The following SMAGP variants were observed in gnomAD, a reference collection of about 807,000 sequenced individuals.
The protein encoded by SMAGP is small cell transmembrane and glycosylated protein.
In SMAGP, 7 loss-of-function variants were observed where a neutral mutation model predicts 10.1. The ratio of observed to expected loss-of-function variants is 0.70; its 90% confidence interval spans 0.40 to 1.31. SMAGP has a LOEUF of 1.31. SMAGP is among the 50% of genes most tolerant of loss of function. The pLI, the probability that SMAGP is intolerant of heterozygous loss-of-function variation, is 0.01. For missense variants in SMAGP, 113 were observed against 116.5 expected (o/e 0.97, Z 0.14); for synonymous variants, 49 against 47.2 (o/e 1.04, Z -0.16).
At chr12:51,255,826 C>T (rs1052300621) in intron 2 of SMAGP, among the ~76,000 whole-genome samples, 7 of 152,228 alleles carry the variant, frequency 4.6e-5, no homozygotes, top group South Asian at 4.2e-4. Flanking sequence ...GGCTGGAATA[C>T]AGTGGTGTGA....
At chr12:51,263,814 G>A (rs901485822) in intron 2 of SMAGP, among the ~76,000 whole-genome samples, 2 of 152,042 alleles carry the variant, frequency 1.3e-5, no homozygotes, top group Non-Finnish European at 2.9e-5. Context: ...ACAATGCTTC[G>A]AAAGGCCCAT....
intron 2 of SMAGP, among the ~76,000 whole-genome samples, chr12:51,266,528 T>TA (rs1944975804): frequency 6.6e-6 from 1 of 152,192 alleles, no homozygotes; most frequent in African/African-American, 2.4e-5. Flanking sequence ...TAAGACATTT[T>TA]AAGTGAGAGA....
intron 1 of SMAGP, chr12:51,269,659 TA>T: frequency 4.9e-6 from 1 of 205,338 alleles, no homozygotes; most frequent in Non-Finnish European, 1.0e-5. Context: ...CAAAGCGCGG[TA>T]ACAGGTACCC....
intron 2 of SMAGP, among the ~76,000 whole-genome samples, chr12:51,265,798 T>G (rs1190976595): frequency 2.0e-5 from 3 of 152,112 alleles, no homozygotes; most frequent in Non-Finnish European, 2.9e-5. Context: ...CTTAATACAG[T>G]AGTCCCCCCA....
chr12:51,254,613 T>C (rs987153310), intron 2 of SMAGP, among the ~76,000 whole-genome samples: 11 of 152,106 alleles, frequency 7.2e-5, no homozygotes, highest in Admixed American at 3.3e-4. Context: ...TAATTAGCGC[T>C]ATGTAGAAAA....
chr12:51,265,643 G>A (rs1944966899), intron 2 of SMAGP, among the ~76,000 whole-genome samples: 1 of 152,192 alleles, frequency 6.6e-6, no homozygotes, highest in African/African-American at 2.4e-5. Context: ...CTACTTACAT[G>A]AAGTACCTAG....
chr12:51,247,664 A>G (rs1944790074), intron 2 of SMAGP, among the ~76,000 whole-genome samples: 1 of 152,196 alleles, frequency 6.6e-6, no homozygotes, highest in Non-Finnish European at 1.5e-5. Flanking sequence ...TGCAGGATAG[A>G]GGTCTCCTGG....
intron 2 of SMAGP, among the ~76,000 whole-genome samples, chr12:51,261,460 C>A (rs185579871): frequency 1.3e-5 from 2 of 151,990 alleles, no homozygotes; most frequent in African/African-American, 4.8e-5. Flanking sequence ...CAAGAGAAAG[C>A]CCAGAGAAAA....
In SMAGP at chr12:51,245,387, A is replaced by G. The variant is rs1226423085; in HGVS notation, c.*554T>C. 6.5e-6 allele frequency: 1 copy of G among 152,752 alleles called. No homozygotes were observed. The highest frequency in any genetic ancestry group is 1.9e-4 in the East Asian group (1 of 5,202). 9.5% of individuals were successfully genotyped at this position (152,752 alleles called of 1,614,324 possible). ...ATGAAAATTTTTAATTTGAATAAAA[A>G]TCACGTAAGCATGAGGTTGTTGGGG... On this transcript the variant is annotated 3_prime_UTR_variant, in exon 4 of 4. Transcript: ENST00000603798.
chr12:51,256,372 C>T (rs1944884325), intron 2 of SMAGP, among the ~76,000 whole-genome samples: 2 of 151,510 alleles, frequency 1.3e-5, no homozygotes, highest in South Asian at 4.2e-4. Flanking sequence ...GATCACTTGA[C>T]CTCAGGAGTT....
intron 2 of SMAGP, among the ~76,000 whole-genome samples, chr12:51,263,468 T>C (rs903611967): frequency 1.3e-5 from 2 of 152,036 alleles, no homozygotes; most frequent in South Asian, 2.1e-4. Context: ...ACTTGTTTCA[T>C]TGGGTTGTGG....
At position 51,245,997 on chromosome 12, in the gene SMAGP, C is replaced by G. The variant is rs1418984876; in HGVS notation, c.238G>C (p.Val80Leu). ...EPTEGEPSAI[V>L]QMESDLAKGS... Reference sequence around the variant, plus strand: ...TTGGCCAAGTCACTCTCCATCTGGACGATGGCACTGGGCTCACCTTCTGTA... The same window carrying G: ...TTGGCCAAGTCACTCTCCATCTGGAGGATGGCACTGGGCTCACCTTCTGTA... The change falls in exon 4 of 4, where the codon GTC becomes CTC. Residue 80 changes from valine (V) to leucine (L), a missense_variant. Transcript: ENST00000603798. 6.2e-7 allele frequency: 1 copy of G among 1,613,816 alleles called. No individual in the cohort carries two copies. The highest frequency in any genetic ancestry group is 8.5e-7 in the Non-Finnish European group (1 of 1,179,842).
chr12:51,265,912 C>A (rs1011475132), intron 2 of SMAGP, among the ~76,000 whole-genome samples: 1 of 152,126 alleles, frequency 6.6e-6, no homozygotes, highest in African/African-American at 2.4e-5. Flanking sequence ...GAAACCCCGT[C>A]TCTACTAAAA....
At chr12:51,262,629 A>G (rs1944940790) in intron 2 of SMAGP, among the ~76,000 whole-genome samples, 1 of 152,150 alleles carries the variant, frequency 6.6e-6, no homozygotes, top group Admixed American at 6.5e-5. Flanking sequence ...ATTAAATAGC[A>G]CTACAGTCTT....
intron 1 of SMAGP, chr12:51,269,977 G>A (rs1337634300): frequency 1.3e-5 from 2 of 151,932 alleles, no homozygotes; most frequent in Non-Finnish European, 2.9e-5. Context: ...TGCGAACGCG[G>A]GGTGGACGCG....
intron 2 of SMAGP, among the ~76,000 whole-genome samples, chr12:51,258,849 G>A (rs1944907930): frequency 6.6e-6 from 1 of 151,764 alleles, no homozygotes; most frequent in Admixed American, 6.6e-5. Context: ...CATAAAGCAA[G>A]TATAAGAAAG....
chr12:51,266,237 A>G (rs78761005), intron 2 of SMAGP, among the ~76,000 whole-genome samples: 3,673 of 152,312 alleles, frequency 0.024, 112 homozygotes, highest in East Asian at 0.1. Context: ...TAAATTATGT[A>G]CCGTTCTGAG....
rs1592234464 is a variant in SMAGP, at chr12:51,256,112, C to A, written c.35-9281G>T. The stretch of plus-strand genomic sequence containing the variant: ...ACGACAGCATTGATTGCTTTTGCAG[C>A]AGCTCAGTGAGAAAGTGGTGAGATT... On this transcript the variant is annotated intron_variant, in intron 2 of 3. Coordinates refer to ENST00000603798, the MANE Select transcript of SMAGP (RefSeq NM_001031628.2). 2.0e-5 allele frequency among the ~76,000 whole-genome samples: 3 copies of A among 152,098 alleles called. No homozygotes were observed. The East Asian group carries it at 5.8e-4, about 29-fold the overall frequency.
intron 2 of SMAGP, among the ~76,000 whole-genome samples, chr12:51,262,044 C>T (rs925369348): frequency 6.6e-6 from 1 of 151,556 alleles, no homozygotes; most frequent in Non-Finnish European, 1.5e-5. Context: ...TTGAGTCCAG[C>T]CTGGGCAACA....
Sources: gnomAD v4.1 joint callset for allele counts (sites outside exome capture counted in the v4.1 genomes callset) on GRCh38, gnomAD v4.1.1 for gene constraint, MANE v1.5 for transcripts, NCBI Gene and HGNC (gene_info 2026-07-23, HGNC 2026-07-21) for gene names.